Variants in CDS1 observed in about 807,000 individuals in gnomAD.
CDS1 encodes the protein CDP-diacylglycerol synthase 1.
In CDS1, 41 loss-of-function variants were observed where a neutral mutation model predicts 62.1. The observed-to-expected ratio is 0.66, with a 90% CI of 0.51 to 0.86. The LOEUF is 0.86. CDS1 is among the 40% of genes least tolerant of loss of function. The pLI is 0.00. For synonymous variants in CDS1, 185 were observed against 192.6 expected (o/e 0.96, Z 0.32); for missense variants, 470 against 550.1 (o/e 0.85, Z 1.46).
At chr4:84,598,938 G>T (rs1215632277) in intron 1 of CDS1, among the ~76,000 whole-genome samples, 1 of 151,998 alleles carries the variant, frequency 6.6e-6, no homozygotes, top group Non-Finnish European at 1.5e-5. Flanking sequence ...CTCAGTATTG[G>T]GAAGCACCTC....
intron 1 of CDS1, among the ~76,000 whole-genome samples, chr4:84,588,850 T>G (rs1722495760): frequency 6.6e-6 from 1 of 152,204 alleles, no homozygotes; most frequent in African/African-American, 2.4e-5. Flanking sequence ...CTGGTAATTG[T>G]TTACATGTAA....
intron 10 of CDS1, among the ~76,000 whole-genome samples, chr4:84,641,273 C>A (rs1392514581): frequency 6.6e-6 from 1 of 152,082 alleles, no homozygotes; most frequent in Non-Finnish European, 1.5e-5. Flanking sequence ...GCTATGTTGG[C>A]CAATCTGGTC....
intron 12 of CDS1, 88 bp downstream of exon 12, chr4:84,645,413 T>C (rs911767527): frequency 9.2e-6 from 7 of 764,320 alleles, no homozygotes; most frequent in African/African-American, 8.7e-5. Context: ...ACTTTTTCCG[T>C]CAATGGTAAT....
At chr4:84,603,028 T>G (rs1722984562) in intron 1 of CDS1, among the ~76,000 whole-genome samples, 1 of 152,252 alleles carries the variant, frequency 6.6e-6, no homozygotes, top group Non-Finnish European at 1.5e-5. Context: ...TTGGTGAGCC[T>G]CCTAATGAGG....
chr4:84,630,730 A>T (rs1232328713), intron 5 of CDS1, among the ~76,000 whole-genome samples: 1 of 152,144 alleles, frequency 6.6e-6, no homozygotes, highest in Non-Finnish European at 1.5e-5. Flanking sequence ...GCTTGAGGCC[A>T]GGAGTTCAAG....
intron 5 of CDS1, among the ~76,000 whole-genome samples, chr4:84,629,302 A>G (rs1723949333): frequency 6.6e-6 from 1 of 151,628 alleles, no homozygotes; most frequent in African/African-American, 2.4e-5. Flanking sequence ...TGGCCCTCCT[A>G]TATCCATGGG....
At chr4:84,594,520 A>G (rs1722690657) in intron 1 of CDS1, among the ~76,000 whole-genome samples, 1 of 152,056 alleles carries the variant, frequency 6.6e-6, no homozygotes, top group Non-Finnish European at 1.5e-5. Context: ...CAGAATTATA[A>G]TCTTGAAATA....
chr4:84,626,023 C>T lies in CDS1; in HGVS notation c.581-5796C>T, dbSNP rs570627355. On this transcript the variant is annotated intron_variant, in intron 5 of 12. Transcript: ENST00000295887. ...TCTCTACTAAAAATACAAAATTAGC[C>T]GGGCGTGGTGGTGCATGCCTGTAAT... Among the ~76,000 whole-genome samples the T allele has an allele frequency of 1.6e-3, 245 of 151,890 alleles. 1 individual carries two copies. Among genetic ancestry groups the T allele is most frequent in the African/African-American group, 5.6e-3 (233 of 41,408 alleles).
chr4:84,638,575 A>G (rs1480367376), intron 8 of CDS1, among the ~76,000 whole-genome samples: 1 of 152,120 alleles, frequency 6.6e-6, no homozygotes, highest in South Asian at 2.1e-4. Flanking sequence ...TACACCAACT[A>G]TTATCAGGTT....
chr4:84,598,967 G>T (rs1391861682), intron 1 of CDS1, among the ~76,000 whole-genome samples: 1 of 152,144 alleles, frequency 6.6e-6, no homozygotes, highest in Admixed American at 6.6e-5. Flanking sequence ...TTCCTGGACT[G>T]CTCTTTAAGA....
At chr4:84,645,878 G>A (rs898777016) in intron 12 of CDS1, among the ~76,000 whole-genome samples, 9 of 152,158 alleles carry the variant, frequency 5.9e-5, no homozygotes, top group South Asian at 4.1e-4. Context: ...AAAGCAGGCC[G>A]AGGGGATCAT....
chr4:84,606,231 C>A (rs1723088401), intron 2 of CDS1, among the ~76,000 whole-genome samples: 1 of 151,692 alleles, frequency 6.6e-6, no homozygotes, highest in South Asian at 2.1e-4. Flanking sequence ...AAAAAAAAAT[C>A]CTGTAATCCT....
chr4:84,583,426 A>C lies in CDS1; in HGVS notation c.25A>C (p.Ser9Arg). The C allele has an allele frequency of 6.3e-7, 1 of 1,598,992 alleles. No individual in the cohort carries two copies. Among genetic ancestry groups the C allele is most frequent in the South Asian group, 1.1e-5 (1 of 89,778 alleles). ...GATGTTGGAGCTGAGGCACCGGGGA[A>C]GCTGCCCCGGCCCCAGGGAAGCGGT... MLELRHRGSCPGPREAVSP... is the reference protein window; with the variant it reads MLELRHRGRCPGPREAVSP... Residue 9 changes from serine (S) to arginine (R), a missense_variant, in exon 1 of 13, where the codon AGC becomes CGC. This residue lies in a region of CDS1 where 150 missense variants were observed against 142.0 expected (regional missense o/e 1.06). Coordinates refer to ENST00000295887, the MANE Select transcript of CDS1 (RefSeq NM_001263.4).
At chr4:84,611,326 A>T (rs1473216411) in intron 3 of CDS1, among the ~76,000 whole-genome samples, 5 of 152,158 alleles carry the variant, frequency 3.3e-5, no homozygotes, top group African/African-American at 1.2e-4. Flanking sequence ...TATCATTGTT[A>T]TTACTTTTTC....
chr4:84,643,934 GGTGGC>G (rs1724472466), intron 11 of CDS1, among the ~76,000 whole-genome samples: 1 of 152,178 alleles, frequency 6.6e-6, no homozygotes, highest in Non-Finnish European at 1.5e-5. Flanking sequence ...TTTCTGAGGA[GGTGGC>G]ACTTAAGTAG....
At chr4:84,589,533 TC>T (rs1722516701) in intron 1 of CDS1, among the ~76,000 whole-genome samples, 1 of 152,252 alleles carries the variant, frequency 6.6e-6, no homozygotes, top group African/African-American at 2.4e-5. Flanking sequence ...GGGCTGATAC[TC>T]CCTAATTGTT....
At chr4:84,633,088 C>A (rs1724073819) in intron 6 of CDS1, among the ~76,000 whole-genome samples, 1 of 152,212 alleles carries the variant, frequency 6.6e-6, no homozygotes, top group African/African-American at 2.4e-5. Flanking sequence ...CACACCACTG[C>A]ACTCCAGCCT....
chr4:84,609,278 T>G (rs576364830), intron 2 of CDS1, 151 bp from the exon 3 acceptor site: 15 of 528,132 alleles, frequency 2.8e-5, no homozygotes, highest in African/African-American at 2.3e-4. Context: ...GAATGAATGC[T>G]GTTTGTTTTT....
chr4:84,623,296 G>T (rs1170404257), intron 5 of CDS1, among the ~76,000 whole-genome samples: 4 of 152,200 alleles, frequency 2.6e-5, no homozygotes, highest in Non-Finnish European at 5.9e-5. Flanking sequence ...GAAGGTAGTT[G>T]TCTTATGTTT....
Sources: gnomAD v4.1 joint callset for allele counts (sites outside exome capture counted in the v4.1 genomes callset) on GRCh38, gnomAD v4.1.1 for gene constraint, gnomAD v4.1.1 regional missense constraint, MANE v1.5 for transcripts, NCBI Gene and HGNC (gene_info 2026-07-23, HGNC 2026-07-21) for gene names.